GRIK1: variants seen among roughly 807,000 people sequenced by gnomAD.
GRIK1 encodes glutamate receptor ionotropic, kainate 1.
GRIK1 carries 69 observed loss-of-function variants against 105.7 expected under a neutral mutation model. That is an observed-to-expected ratio of 0.65 (90% CI 0.54 to 0.80). The LOEUF (loss-of-function observed/expected upper bound fraction) is 0.80, where lower values mean the gene tolerates loss of function less well. Among genes scored for constraint, GRIK1 ranks in the 30% least tolerant of loss-of-function variants. The probability of loss-of-function intolerance (pLI) is 0.00; values close to 1 mark genes in which losing one functional copy is unlikely to be tolerated. For synonymous variants in GRIK1, 438 were observed against 431.3 expected, an observed-to-expected ratio of 1.02 and a Z score of -0.19; for missense variants, 1,109 against 1,167.3, an observed-to-expected ratio of 0.95 and a Z score of 0.73.
chr21:29,794,587 T>A (rs414828), intron 1 of GRIK1, among the ~76,000 whole-genome samples: 23,288 of 152,210 alleles, frequency 0.15, 1,753 homozygotes, highest in Non-Finnish European at 0.16. Context: ...AGTTAACCAG[T>A]ACATGGGACC....
chr21:29,587,043 G>A (rs536820824), intron 12 of GRIK1, among the ~76,000 whole-genome samples: 160 of 151,344 alleles, frequency 1.1e-3, no homozygotes, highest in African/African-American at 3.8e-3. Context: ...CAATTCCTAT[G>A]GAAACATTTT....
intron 1 of GRIK1, among the ~76,000 whole-genome samples, chr21:29,927,448 T>C (rs553211977): frequency 2.0e-5 from 3 of 150,420 alleles, no homozygotes; most frequent in Middle Eastern, 7.1e-3. Context: ...GGCTGTAGTG[T>C]GTATAATATA....
In GRIK1 at chr21:29,705,225, G is replaced by A. The variant is rs184867083; in HGVS notation, c.119-11162C>T. Among the ~76,000 whole-genome samples, 873 of 152,306 alleles carry A rather than the reference G, an allele frequency of 5.7e-3. 4 individuals carry two copies. The highest frequency in any genetic ancestry group is 0.01 in the Middle Eastern group (3 of 294). ...GATGTTTGAAGCCAAAATAAATGGA[G>A]GCTCACAGCTCCCACAGAGCAGTAT... On this transcript the variant is annotated intron_variant, in intron 1 of 17. Coordinates refer to ENST00000327783, the MANE Select transcript of GRIK1 (RefSeq NM_001330994.2).
chr21:29,889,027 T>C (rs1171704028), intron 1 of GRIK1, among the ~76,000 whole-genome samples: 2 of 152,216 alleles, frequency 1.3e-5, no homozygotes, highest in Non-Finnish European at 1.5e-5. Flanking sequence ...TATGAGGAAG[T>C]TGACTTCTCA....
chr21:29,588,316 G>A (rs1490218683), intron 11 of GRIK1, among the ~76,000 whole-genome samples: 2 of 152,146 alleles, frequency 1.3e-5, no homozygotes, highest in African/African-American at 4.8e-5. Flanking sequence ...GTTTGGTTCT[G>A]TGTCCCCACC....
At chr21:29,801,872 T>A (rs1257337037) in intron 1 of GRIK1, among the ~76,000 whole-genome samples, 4 of 152,170 alleles carry the variant, frequency 2.6e-5, no homozygotes, top group Non-Finnish European at 5.9e-5. Context: ...CTTTTTTTTC[T>A]TTTCTTTTTT....
intron 3 of GRIK1, among the ~76,000 whole-genome samples, chr21:29,673,670 A>G (rs1017169050): frequency 6.6e-6 from 1 of 152,214 alleles, no homozygotes; most frequent in Admixed American, 6.5e-5. Context: ...CTTTCAGTTC[A>G]TGCCATATAA....
intron 1 of GRIK1, among the ~76,000 whole-genome samples, chr21:29,695,462 ATC>A (rs1309149819): frequency 1.2e-3 from 176 of 144,606 alleles, no homozygotes; most frequent in Middle Eastern, 7.1e-3. Context: ...CTATCTATCT[ATC>A]TATCTATCTA....
chr21:29,697,630 G>A (rs2063728955), intron 1 of GRIK1, among the ~76,000 whole-genome samples: 1 of 152,134 alleles, frequency 6.6e-6, no homozygotes, highest in Non-Finnish European at 1.5e-5. Context: ...TACCAAAAAA[G>A]TGAGATCTGA....
At chr21:29,685,650 G>GAAACAGC in intron 3 of GRIK1, among the ~76,000 whole-genome samples, 1 of 152,214 alleles carries the variant, frequency 6.6e-6, no homozygotes, top group East Asian at 1.9e-4. Flanking sequence ...TTTAAAGTAA[G>GAAACAGC]AAACAGCATT....
In GRIK1 at chr21:29,848,779, A is replaced by ATATTTTT; in HGVS notation, c.118+90603_118+90604insAAAAATA. 3.4e-3 allele frequency among the ~76,000 whole-genome samples: 263 copies of ATATTTTT among 77,866 alleles called. 1 individual carries two copies. Among genetic ancestry groups the ATATTTTT allele is most frequent in the East Asian group, 9.6e-3 (25 of 2,604 alleles). The allele number at this position is 77,866 out of a possible 152,430, so 51.1% of individuals were successfully genotyped here. ...TGTATATATATATATATATATATAT[A>ATATTTTT]TTTTTTTTTTTTTCCACGATCTTCA... On this transcript the variant is annotated intron_variant, in intron 1 of 17. Transcript: ENST00000327783.
chr21:29,580,132 C>CACATATAT (rs200678872), intron 13 of GRIK1, among the ~76,000 whole-genome samples: 5 of 141,866 alleles, frequency 3.5e-5, no homozygotes, highest in African/African-American at 1.3e-4. Context: ...CATATACACA[C>CACATATAT]ATATATATAC....
intron 1 of GRIK1, among the ~76,000 whole-genome samples, chr21:29,817,790 C>T (rs2067193746): frequency 6.6e-6 from 1 of 152,098 alleles, no homozygotes; most frequent in Admixed American, 6.6e-5. Flanking sequence ...TTGTTTGTTG[C>T]TGCAGCAAAA....
chr21:29,818,387 C>A (rs940640344), intron 1 of GRIK1, among the ~76,000 whole-genome samples: 1 of 152,096 alleles, frequency 6.6e-6, no homozygotes, highest in Admixed American at 6.6e-5. Flanking sequence ...TCTAACTCTT[C>A]TAGATTCTTA....
chr21:29,612,325 C>T (rs1236601690), intron 7 of GRIK1, among the ~76,000 whole-genome samples: 1 of 152,264 alleles, frequency 6.6e-6, no homozygotes, highest in African/African-American at 2.4e-5. Context: ...TTAAATGGGT[C>T]CCAGGACGGT....
intron 1 of GRIK1, among the ~76,000 whole-genome samples, chr21:29,784,904 G>A (rs1022892782): frequency 1.3e-5 from 2 of 152,080 alleles, no homozygotes; most frequent in Non-Finnish European, 2.9e-5. Flanking sequence ...TTATCTCAAG[G>A]GGTATTTTGC....
At chr21:29,923,839 A>C (rs979037757) in intron 1 of GRIK1, among the ~76,000 whole-genome samples, 14 of 152,204 alleles carry the variant, frequency 9.2e-5, no homozygotes, top group Admixed American at 7.9e-4. Flanking sequence ...TTAGGATTAC[A>C]GAGGAGTATC....
rs148545413 is a variant in GRIK1 at position 29,784,760 on chromosome 21, C to T, written c.119-90697G>A. On this transcript the variant is annotated intron_variant, in intron 1 of 17. Transcript: ENST00000327783. The stretch of plus-strand genomic sequence containing the variant: ...ATAATGCCTTAAATGTTTGAAAATT[C>T]GTGAGTTTCAACTCTGAGTTCACAC... 2.8e-3 allele frequency among the ~76,000 whole-genome samples: 425 copies of T among 152,148 alleles called. 1 individual carries two copies. The highest frequency in any genetic ancestry group is 1.0e-2 in the African/African-American group (413 of 41,502).
chr21:29,672,241 G>A (rs1315483447), intron 4 of GRIK1, among the ~76,000 whole-genome samples: 1 of 151,926 alleles, frequency 6.6e-6, no homozygotes, highest in Non-Finnish European at 1.5e-5. Context: ...ATTTTTAGTA[G>A]AGATGGGGTT....
Sources: allele counts gnomAD v4.1 joint callset (sites outside exome capture counted in the v4.1 genomes callset), GRCh38; gene constraint gnomAD v4.1.1; transcripts MANE v1.5; gene names NCBI Gene and HGNC (gene_info 2026-07-23, HGNC 2026-07-21).